Variants in LETM1 observed in about 807,000 individuals in gnomAD.
LETM1 encodes the protein mitochondrial proton/calcium exchanger protein.
In LETM1, 50 loss-of-function variants were observed where a neutral mutation model predicts 74.5. The observed-to-expected ratio is 0.67, with a 90% confidence interval of 0.53 to 0.85. LETM1 has a LOEUF of 0.85. Ranked by LOEUF, LETM1 falls within the 40% of genes least tolerant of loss-of-function variation. The pLI is 0.00. For synonymous variants in LETM1, 446 were observed against 407.1 expected (o/e 1.10, Z -1.15); for missense variants, 824 against 967.8 (o/e 0.85, Z 1.97).
At chr4:1,823,847 C>T (rs778497505) in intron 7 of LETM1, 72 bp from the exon 8 acceptor site, 2 of 1,499,522 alleles carry the variant, frequency 1.3e-6, no homozygotes, top group Non-Finnish European at 1.8e-6. Context: ...GTCCGCCCAT[C>T]TCATCACCAG....
chr4:1,818,766 G>A (rs546466160), intron 11 of LETM1, among the ~76,000 whole-genome samples: 44 of 152,112 alleles, frequency 2.9e-4, no homozygotes, highest in Non-Finnish European at 4.6e-4. Flanking sequence ...AACTCTTCAT[G>A]AGACACCTTC....
At chr4:1,853,815 G>C (rs1713148689) in intron 1 of LETM1, among the ~76,000 whole-genome samples, 1 of 152,158 alleles carries the variant, frequency 6.6e-6, no homozygotes, top group African/African-American at 2.4e-5. Flanking sequence ...TCACTCATCA[G>C]TTCAGGGACC....
chr4:1,835,348 A>C (rs1318394702), intron 4 of LETM1, among the ~76,000 whole-genome samples: 2 of 152,144 alleles, frequency 1.3e-5, no homozygotes, highest in Non-Finnish European at 2.9e-5. Flanking sequence ...CTGAGGCACA[A>C]GAATCGCTTG....
chr4:1,822,097 T>C, intron 10 of LETM1, 84 bp downstream of exon 10: 2 of 1,296,000 alleles, frequency 1.5e-6, no homozygotes, highest in South Asian at 5.2e-5. Context: ...CCAGCTAACC[T>C]GTCCCCATCC....
Position 1,825,570 on chromosome 4 carries a change from C to T in LETM1, c.1194G>A (p.Leu398=). The T allele has an allele frequency of 1.2e-6, 2 of 1,612,294 alleles. No homozygotes were observed. Among genetic ancestry groups the T allele is most frequent in the Admixed American group, 1.7e-5 (1 of 60,002 alleles). ...CAGGCCAATATTCACGCACCTGCTTCAGCTGACCCCTCAGGCGGTCTTCCG... is the reference window on the plus strand; with the variant it reads ...CAGGCCAATATTCACGCACCTGCTTTAGCTGACCCCTCAGGCGGTCTTCCG... ...GVTEDRLRGQ[L]KQWLDLHLHQ... The change falls in exon 7 of 14, where the codon CTG becomes CTA. Residue 398 remains leucine (L), a synonymous_variant. Coordinates refer to ENST00000302787, the MANE Select transcript of LETM1 (RefSeq NM_012318.3).
chr4:1,848,461 T>C lies in LETM1; in HGVS notation c.143+688A>G, dbSNP rs1196613267. Among the ~76,000 whole-genome samples the C allele has an allele frequency of 4.0e-5, 6 of 149,008 alleles. No individual in the cohort carries two copies. In the South Asian group the frequency reaches 1.3e-3, roughly 31 times the overall value. ...TACTTGGGAGGCTGAGGCAGGAGGA[T>C]GGCATGAACCCGGGAGGTGGATCTT... On this transcript the variant is annotated intron_variant, in intron 2 of 13. Coordinates refer to ENST00000302787, the MANE Select transcript of LETM1 (RefSeq NM_012318.3).
At chr4:1,837,770 C>CACCCAGG (rs1441755087) in intron 3 of LETM1, among the ~76,000 whole-genome samples, 9 of 138,696 alleles carry the variant, frequency 6.5e-5, no homozygotes, top group Non-Finnish European at 9.0e-5. Context: ...ATCGCCTGAT[C>CACCCAGG]TTGGGTCATT....
Position 1,841,807 on chromosome 4 carries a change from G to C in LETM1, c.144-10C>G, listed in dbSNP as rs781427605. 1.6e-5 allele frequency: 26 copies of C among 1,596,326 alleles called. No individual in the cohort carries two copies. Among genetic ancestry groups the C allele is most frequent in the Non-Finnish European group, 2.1e-5 (24 of 1,170,048 alleles). On this transcript the variant is annotated splice_polypyrimidine_tract_variant and intron_variant, in intron 2 of 13. Coordinates refer to ENST00000302787, the MANE Select transcript of LETM1 (RefSeq NM_012318.3). The stretch of plus-strand genomic sequence containing the variant: ...GCCAAATGGAACATTCCTTGAAAAG[G>C]GAAGAGTGGAAAACAGTAGTAAGAG...
At chr4:1,833,186 C>T (rs1712341754) in intron 5 of LETM1, 1 of 517,438 alleles carries the variant, frequency 1.9e-6, no homozygotes, top group Non-Finnish European at 3.5e-6. Context: ...ATTCTCCTGC[C>T]TTAGCCTCCC....
rs572026394 is a variant in LETM1, at chr4:1,815,820, G to C, written c.1932-18C>G. The stretch of plus-strand genomic sequence containing the variant: ...CGTTCTCCCTGTGGAAGCACAGCCT[G>C]CATGTGGCCACGGGCAGGCGTCCTG... On this transcript the variant is annotated intron_variant, in intron 12 of 13. Coordinates refer to ENST00000302787, the MANE Select transcript of LETM1 (RefSeq NM_012318.3). 6.2e-6 allele frequency: 10 copies of C among 1,612,046 alleles called. No homozygotes were observed. In the Admixed American group the frequency reaches 6.7e-5, roughly 11 times the overall value.
At position 1,814,323 on chromosome 4, in the gene LETM1, A is replaced by C; in HGVS notation, c.*101T>G. 6.4e-7 allele frequency: 1 copy of C among 1,551,576 alleles called. No individual in the cohort carries two copies. Among genetic ancestry groups the C allele is most frequent in the Non-Finnish European group, 8.8e-7 (1 of 1,139,446 alleles). On this transcript the variant is annotated 3_prime_UTR_variant, in exon 14 of 14. Transcript: ENST00000302787. Reference sequence around the variant, plus strand: ...GAAGTCTCTGATTTATTCCAGCCAAAATATTAGATGAGCCACTGAGAATCA... The same window carrying C: ...GAAGTCTCTGATTTATTCCAGCCAACATATTAGATGAGCCACTGAGAATCA...
At position 1,841,597 on chromosome 4, in the gene LETM1, C is replaced by A. The variant is rs116753949; in HGVS notation, c.344G>T (p.Arg115Leu). The A allele has an allele frequency of 3.0e-5, 48 of 1,614,164 alleles. No homozygotes were observed. In the South Asian group the frequency reaches 4.9e-4, roughly 17 times the overall value. The change falls in exon 3 of 14, where the codon CGC (arginine) becomes CTC (leucine). Residue 115 changes from arginine (R) to leucine (L), a missense_variant. This residue lies in a region of LETM1 where 222 missense variants were observed against 195.6 expected (regional missense o/e 1.14). Transcript: ENST00000302787. The part of the protein sequence containing the change: ...VRGWHSSRPV[R>L]DDSVVEKSLK... ...GGACTTCTCTACTACCGAGTCATCG[C>A]GAACAGGGCGCGAAGAGTGCCAGCC...
intron 6 of LETM1, among the ~76,000 whole-genome samples, chr4:1,827,714 C>T (rs1446772425): frequency 1.4e-5 from 2 of 145,536 alleles, no homozygotes; most frequent in African/African-American, 5.2e-5. Flanking sequence ...GGCAACCATC[C>T]GATTTCTCAA....
chr4:1,829,018 G>C (rs1159495165), intron 6 of LETM1, among the ~76,000 whole-genome samples: 1 of 109,862 alleles, frequency 9.1e-6, no homozygotes. Context: ...CCTCCCGGAC[G>C]GGGCGGCTGG....
At chr4:1,850,108 C>T (rs527955629) in intron 1 of LETM1, among the ~76,000 whole-genome samples, 2 of 152,070 alleles carry the variant, frequency 1.3e-5, no homozygotes, top group East Asian at 1.9e-4. Flanking sequence ...GAGCTGAGAT[C>T]GCACCATTGC....
rs1368586819 is a variant in LETM1, at chr4:1,841,511, G to T, written c.430C>A (p.Pro144Thr). ...LEEGGPVYSP[P>T]AEVVVKKSLG... ...GACTTCTTCACCACCACCTCTGCGG[G>T]GGGGCTGTACACCGGGCCGCCTTCC... is the stretch of plus-strand genomic sequence containing the variant. Residue 144 changes from proline to threonine, a missense_variant, in exon 3 of 14, where the codon CCC (proline) becomes ACC (threonine). This residue lies in a region of LETM1 where 222 missense variants were observed against 195.6 expected (regional missense o/e 1.14). Transcript: ENST00000302787. The T allele has an allele frequency of 6.8e-6, 11 of 1,614,236 alleles. No individual in the cohort carries two copies. The highest frequency in any genetic ancestry group is 1.1e-5 in the South Asian group (1 of 91,088).
intron 11 of LETM1, among the ~76,000 whole-genome samples, chr4:1,819,085 A>G (rs1420144985): frequency 6.8e-6 from 1 of 146,694 alleles, no homozygotes; most frequent in Admixed American, 6.8e-5. Context: ...CCTTCTTACA[A>G]AAAAAAAAAA....
chr4:1,820,408 T>C (rs1255490739), intron 10 of LETM1, among the ~76,000 whole-genome samples: 1 of 152,240 alleles, frequency 6.6e-6, no homozygotes, highest in Non-Finnish European at 1.5e-5. Flanking sequence ...GTTCACACCA[T>C]TTGTGAATAA....
chr4:1,821,951 C>G (rs1217136144), intron 10 of LETM1, among the ~76,000 whole-genome samples: 2 of 152,356 alleles, frequency 1.3e-5, no homozygotes, highest in East Asian at 3.9e-4. Flanking sequence ...ACGGCAGCGT[C>G]AGCTGCTGTG....
Sources: gnomAD v4.1 joint callset for allele counts (sites outside exome capture counted in the v4.1 genomes callset) on GRCh38, gnomAD v4.1.1 for gene constraint, gnomAD v4.1.1 regional missense constraint, MANE v1.5 for transcripts, NCBI Gene and HGNC (gene_info 2026-07-23, HGNC 2026-07-21) for gene names.